STK32A: variants seen among roughly 807,000 people sequenced by gnomAD.
STK32A encodes the protein serine/threonine kinase 32A.
STK32A carries 41 observed loss-of-function variants against 53.2 expected under a neutral mutation model. That is an observed-to-expected ratio of 0.77 (90% CI 0.60 to 1.00). The LOEUF (loss-of-function observed/expected upper bound fraction) is 1.00, where lower values mean the gene tolerates loss of function less well. STK32A is among the 50% of genes least tolerant of loss of function. The pLI, the probability that STK32A is intolerant of heterozygous loss-of-function variation, is 0.00. For missense variants in STK32A, 458 were observed against 485.8 expected (o/e 0.94, Z 0.54); for synonymous variants, 166 against 162.8 (o/e 1.02, Z -0.15).
At chr5:147,380,516 T>G (rs1757410693) in intron 11 of STK32A, among the ~76,000 whole-genome samples, 1 of 152,310 alleles carries the variant, frequency 6.6e-6, no homozygotes, top group African/African-American at 2.4e-5. Context: ...TTAAAGAATA[T>G]TTTCCATCAG....
In STK32A at chr5:147,386,115, A is replaced by G. The variant is rs182495764; in HGVS notation, c.*2132A>G. 4 of 152,326 alleles carry G rather than the reference A, an allele frequency of 2.6e-5. No homozygotes were observed. The highest frequency in any genetic ancestry group is 9.6e-5 in the African/African-American group (4 of 41,572). The allele number at this position is 152,326 out of a possible 1,614,324, so 9.4% of individuals were successfully genotyped here. On this transcript the variant is annotated 3_prime_UTR_variant, in exon 13 of 13. Coordinates refer to ENST00000397936, the MANE Select transcript of STK32A (RefSeq NM_001112724.2). Reference sequence around the variant, plus strand: ...CTAATAGCAACCATATTATTGTTACATAATTAAAAGCCAGCTCTTTTGTTG... The same window carrying G: ...CTAATAGCAACCATATTATTGTTACGTAATTAAAAGCCAGCTCTTTTGTTG...
chr5:147,300,129 T>A (rs888805068), intron 4 of STK32A, among the ~76,000 whole-genome samples: 3 of 152,216 alleles, frequency 2.0e-5, no homozygotes, highest in Non-Finnish European at 4.4e-5. Context: ...CAATATTAAC[T>A]TCCCTATTAG....
rs1053991645 is a variant in STK32A, at chr5:147,235,128, T to C, written c.-168T>C. ...GCTCCTTGCTCTTGGAGTTCTTCTC[T>C]TAGTCCCTGTTCCCTGGATGAAAGC... On this transcript the variant is annotated 5_prime_UTR_variant, in exon 1 of 13. Coordinates refer to ENST00000397936, the MANE Select transcript of STK32A (RefSeq NM_001112724.2). 1.3e-5 allele frequency: 2 copies of C among 152,812 alleles called. No homozygotes were observed. The highest frequency in any genetic ancestry group is 2.9e-5 in the Non-Finnish European group (2 of 68,524). 9.5% of individuals were successfully genotyped at this position (152,812 alleles called of 1,614,324 possible). A position where few individuals can be genotyped will look rare whatever the true frequency, so the allele number is the denominator to read the frequency against.
intron 2 of STK32A, among the ~76,000 whole-genome samples, chr5:147,244,409 C>A (rs1292679279): frequency 6.6e-6 from 1 of 152,202 alleles, no homozygotes; most frequent in African/African-American, 2.4e-5. Flanking sequence ...AGTGGAAGCA[C>A]TGGATCATAT....
At chr5:147,348,664 T>C (rs770162009) in intron 6 of STK32A, 4 of 766,542 alleles carry the variant, frequency 5.2e-6, no homozygotes, top group Non-Finnish European at 9.7e-6. Context: ...CTCATCTGAA[T>C]CACCTGTGGA....
At chr5:147,330,534 CA>C (rs1754815712) in intron 5 of STK32A, among the ~76,000 whole-genome samples, 9 of 152,218 alleles carry the variant, frequency 5.9e-5, no homozygotes, top group Admixed American at 5.9e-4. Context: ...ACAGTCTGTT[CA>C]CATTTCCTCT....
the STK32A span, chr5:147,401,644 G>A: frequency 6.2e-7 from 1 of 1,614,120 alleles, no homozygotes; most frequent in Non-Finnish European, 8.5e-7. Flanking sequence ...TCCAATAATG[G>A]GTTCCATCTA....
chr5:147,290,568 G>A lies in STK32A; in HGVS notation c.260+11170G>A, dbSNP rs561217473. The stretch of plus-strand genomic sequence containing the variant: ...GCTTTTGTTAATTGAGATTAAACCT[G>A]TAGCTGCACACAACTCCTCAGGGCC... On this transcript the variant is annotated intron_variant, in intron 4 of 12. Transcript: ENST00000397936. 6.6e-5 allele frequency among the ~76,000 whole-genome samples: 10 copies of A among 152,248 alleles called. No homozygotes were observed. The South Asian group carries it at 2.1e-3, about 32-fold the overall frequency.
intron 4 of STK32A, among the ~76,000 whole-genome samples, chr5:147,320,230 CAGATTT>C (rs1188873954): frequency 8.5e-5 from 13 of 152,320 alleles, no homozygotes; most frequent in Admixed American, 7.8e-4. Flanking sequence ...CCCTCAGAGT[CAGATTT>C]ATTTCAAGAT....
At position 147,300,350 on chromosome 5, in the gene STK32A, G is replaced by T. The variant is rs1354089686; in HGVS notation, c.260+20952G>T. Among the ~76,000 whole-genome samples, 6 of 152,130 alleles carry T rather than the reference G, an allele frequency of 3.9e-5. 1 individual carries two copies. Among genetic ancestry groups the T allele is most frequent in the Admixed American group, 3.3e-4 (5 of 15,252 alleles). On this transcript the variant is annotated intron_variant, in intron 4 of 12. Transcript: ENST00000397936. Reference sequence around the variant, plus strand: ...CTTCAAAGCCTCTGCTCTTCCTGCTGCACTATACCATCCCTATACACATCT... The same window carrying T: ...CTTCAAAGCCTCTGCTCTTCCTGCTTCACTATACCATCCCTATACACATCT...
chr5:147,310,806 A>T (rs918799), intron 4 of STK32A, among the ~76,000 whole-genome samples: 46,913 of 151,894 alleles, frequency 0.31, 7,857 homozygotes, highest in African/African-American at 0.44. Flanking sequence ...CCTTTGCCTG[A>T]TTACTGGCTG....
chr5:147,346,430 C>G (rs958286875), intron 6 of STK32A, among the ~76,000 whole-genome samples: 27 of 152,168 alleles, frequency 1.8e-4, no homozygotes, highest in African/African-American at 6.5e-4. Flanking sequence ...CAACACGATT[C>G]AGTAACAGGC....
At chr5:147,315,774 G>A (rs754480726) in intron 4 of STK32A, among the ~76,000 whole-genome samples, 1 of 152,200 alleles carries the variant, frequency 6.6e-6, no homozygotes, top group Non-Finnish European at 1.5e-5. Context: ...GAAGTTACCA[G>A]TGGGGAAAAG....
At chr5:147,315,684 T>A (rs1475142050) in intron 4 of STK32A, among the ~76,000 whole-genome samples, 1 of 152,162 alleles carries the variant, frequency 6.6e-6, no homozygotes, top group Non-Finnish European at 1.5e-5. Context: ...ACGTACATAG[T>A]GCCACTGAAT....
chr5:147,324,170 C>T (rs1754461898), intron 5 of STK32A, 99 bp downstream of exon 5: 2 of 1,228,888 alleles, frequency 1.6e-6, no homozygotes, highest in African/African-American at 1.5e-5. Context: ...ACATTTAATC[C>T]CCGTTTAATT....
chr5:147,388,855 A>C (rs1232870051), downstream of STK32A, among the ~76,000 whole-genome samples: 1 of 152,206 alleles, frequency 6.6e-6, no homozygotes, highest in Non-Finnish European at 1.5e-5. Flanking sequence ...AGACTGCTGC[A>C]TCCTGAGTTT....
chr5:147,252,914 T>C (rs1754060123), intron 2 of STK32A, among the ~76,000 whole-genome samples: 1 of 152,342 alleles, frequency 6.6e-6, no homozygotes, highest in Non-Finnish European at 1.5e-5. Context: ...CTTTGTTGAT[T>C]AAGTGAATGC....
intron 2 of STK32A, among the ~76,000 whole-genome samples, chr5:147,277,556 T>C (rs924059511): frequency 6.6e-6 from 1 of 152,338 alleles, no homozygotes; most frequent in Non-Finnish European, 1.5e-5. Flanking sequence ...AGAGGTGTAA[T>C]ATTTTCCTAC....
chr5:147,400,667 C>T, the STK32A span: 1 of 1,609,636 alleles, frequency 6.2e-7, no homozygotes, highest in Non-Finnish European at 8.5e-7. Flanking sequence ...GCTCTGGCCA[C>T]CCTCCCATGA....
Sources: gnomAD v4.1 joint callset for allele counts (sites outside exome capture counted in the v4.1 genomes callset) on GRCh38, gnomAD v4.1.1 for gene constraint, MANE v1.5 for transcripts, NCBI Gene and HGNC (gene_info 2026-07-23, HGNC 2026-07-21) for gene names.